GPR137C: variants seen among roughly 807,000 people sequenced by gnomAD.
The protein encoded by GPR137C is G protein-coupled receptor 137C, also known as integral membrane protein GPR137C.
Under a neutral mutation model 43.4 loss-of-function variants are expected in GPR137C, and 27 were observed. The observed-to-expected ratio is 0.62, with a 90% CI of 0.46 to 0.86. The LOEUF is 0.86. GPR137C is among the 40% of genes least tolerant of loss of function. The pLI is 0.00. For missense variants in GPR137C, 522 were observed against 534.6 expected, an observed-to-expected ratio of 0.98 and a Z score of 0.23; for synonymous variants, 285 against 226.9, an observed-to-expected ratio of 1.26 and a Z score of -2.30.
intron 3 of GPR137C, among the ~76,000 whole-genome samples, chr14:52,628,489 A>C (rs75906300): frequency 0.024 from 3,675 of 152,270 alleles, 141 homozygotes; most frequent in African/African-American, 0.084. Flanking sequence ...AATTAGAAAT[A>C]ATTAAAATTT....
At chr14:52,584,162 A>G (rs1264294822) in intron 1 of GPR137C, among the ~76,000 whole-genome samples, 1 of 152,162 alleles carries the variant, frequency 6.6e-6, no homozygotes, top group Non-Finnish European at 1.5e-5. Flanking sequence ...AAATTACTAC[A>G]TGAAAAAATG....
chr14:52,634,936 A>G lies in GPR137C; in HGVS notation c.1113-2A>G. 1 of 1,609,022 alleles carries G rather than the reference A, an allele frequency of 6.2e-7. No individual in the cohort carries two copies. Among genetic ancestry groups the G allele is most frequent in the South Asian group, 1.1e-5 (1 of 90,076 alleles). On this transcript the variant is annotated splice_acceptor_variant, in intron 6 of 6. Coordinates refer to ENST00000321662, the MANE Select transcript of GPR137C (RefSeq NM_001099652.2). LOFTEE classifies it high-confidence loss of function. ...GGTCTTTTTGCCTTTTTTTTGTTGC[A>G]GTTTACCAAATTCGCAAAGTTTGGG...
Position 52,553,112 on chromosome 14 carries a change from C to A in GPR137C, c.-36C>A. The A allele has an allele frequency of 8.8e-7, 1 of 1,132,382 alleles. No individual in the cohort carries two copies. Among genetic ancestry groups the A allele is most frequent in the Non-Finnish European group, 1.1e-6 (1 of 919,164 alleles). 70.1% of individuals were successfully genotyped at this position (1,132,382 alleles called of 1,614,324 possible). A position where few individuals can be genotyped will look rare whatever the true frequency, so the allele number is the denominator to read the frequency against. ...CGGCGGCTCCGAGTCCAGCCCCTTC[C>A]TTCCCGCGCTCGCTCGCCCGGCCCC... On this transcript the variant is annotated 5_prime_UTR_variant, in exon 1 of 7. Transcript: ENST00000321662.
intron 3 of GPR137C, among the ~76,000 whole-genome samples, chr14:52,624,392 C>G (rs917015489): frequency 2.0e-5 from 3 of 151,806 alleles, no homozygotes; most frequent in African/African-American, 7.3e-5. Flanking sequence ...CAAGTTTCTC[C>G]CTTAGAAATG....
intron 1 of GPR137C, among the ~76,000 whole-genome samples, chr14:52,566,893 T>A (rs2038379003): frequency 6.6e-6 from 1 of 152,062 alleles, no homozygotes; most frequent in South Asian, 2.1e-4. Flanking sequence ...GGGTGGATCA[T>A]CTGAGGTCAG....
intron 1 of GPR137C, among the ~76,000 whole-genome samples, chr14:52,593,008 A>G (rs2038803818): frequency 6.6e-6 from 1 of 152,154 alleles, no homozygotes; most frequent in African/African-American, 2.4e-5. Flanking sequence ...ATGTTGCATC[A>G]ATTCCTAGTT....
chr14:52,566,411 C>T (rs2038371014), intron 1 of GPR137C, among the ~76,000 whole-genome samples: 1 of 152,142 alleles, frequency 6.6e-6, no homozygotes, highest in Admixed American at 6.5e-5. Flanking sequence ...AAACTTTTAT[C>T]CCTTTATAGC....
rs750063398 is a variant in GPR137C at position 52,633,507 on chromosome 14, T to A, written c.868-23T>A. Reference sequence around the variant, plus strand: ...TTATACAATAAACAGATGTAAAAATTCTCTGCCATGCTCTATTTACAGGCT... The same window carrying A: ...TTATACAATAAACAGATGTAAAAATACTCTGCCATGCTCTATTTACAGGCT... On this transcript the variant is annotated intron_variant, in intron 4 of 6. Coordinates refer to ENST00000321662, the MANE Select transcript of GPR137C (RefSeq NM_001099652.2). 10 of 1,605,152 alleles carry A rather than the reference T, an allele frequency of 6.2e-6. No homozygotes were observed. The East Asian group carries it at 2.2e-4, about 36-fold the overall frequency.
chr14:52,631,251 T>G (rs1400514637), intron 3 of GPR137C, among the ~76,000 whole-genome samples: 1 of 152,270 alleles, frequency 6.6e-6, no homozygotes, highest in African/African-American at 2.4e-5. Flanking sequence ...CAGAGGACAG[T>G]TAGCTTAGGT....
intron 1 of GPR137C, among the ~76,000 whole-genome samples, chr14:52,568,632 T>C (rs1160432225): frequency 2.6e-5 from 4 of 152,050 alleles, no homozygotes; most frequent in Non-Finnish European, 5.9e-5. Context: ...GCAATTACTG[T>C]GTAGAGTAGG....
chr14:52,606,578 A>G (rs1298665296), intron 3 of GPR137C, among the ~76,000 whole-genome samples: 1 of 152,124 alleles, frequency 6.6e-6, no homozygotes, highest in Admixed American at 6.5e-5. Context: ...CTGGGACTAC[A>G]GGCATGTGCC....
chr14:52,628,104 T>C (rs1007895), intron 3 of GPR137C, among the ~76,000 whole-genome samples: 29,439 of 152,176 alleles, frequency 0.19, 2,861 homozygotes, highest in Admixed American at 0.23. Context: ...CTACATTATG[T>C]TGAAACTTAG....
At chr14:52,595,300 G>C (rs2038839376) in intron 1 of GPR137C, among the ~76,000 whole-genome samples, 1 of 151,998 alleles carries the variant, frequency 6.6e-6, no homozygotes, top group South Asian at 2.1e-4. Flanking sequence ...TGTGTCTTGG[G>C]GTTCCTCTTC....
intron 4 of GPR137C, 125 bp from the exon 5 acceptor site, chr14:52,633,405 T>G (rs903750042): frequency 8.5e-6 from 6 of 702,456 alleles, no homozygotes; most frequent in African/African-American, 1.8e-5. Flanking sequence ...ATATAGAAAG[T>G]TTTAGAGTTT....
At chr14:52,632,452 TA>T in intron 4 of GPR137C, 143 bp downstream of exon 4, 1 of 565,436 alleles carries the variant, frequency 1.8e-6, no homozygotes, top group Non-Finnish European at 3.0e-6. Context: ...GCTTTGTGTT[TA>T]AAAATCTTTA....
chr14:52,624,945 CT>C (rs1473416476), intron 3 of GPR137C, among the ~76,000 whole-genome samples: 2 of 152,110 alleles, frequency 1.3e-5, no homozygotes, highest in South Asian at 2.1e-4. Context: ...ATGAACAACA[CT>C]TTGCTGGTAA....
chr14:52,609,810 A>C (rs754353356), intron 3 of GPR137C, among the ~76,000 whole-genome samples: 1 of 152,218 alleles, frequency 6.6e-6, no homozygotes, highest in Non-Finnish European at 1.5e-5. Flanking sequence ...GCCTCCCAGC[A>C]GGTATTTACA....
At chr14:52,587,362 A>G (rs2038726467) in intron 1 of GPR137C, among the ~76,000 whole-genome samples, 1 of 152,246 alleles carries the variant, frequency 6.6e-6, no homozygotes, top group Admixed American at 6.5e-5. Flanking sequence ...AATGTCTGGA[A>G]GGATGAGTTG....
Position 52,571,502 on chromosome 14 carries a change from G to A in GPR137C, c.444+17911G>A, listed in dbSNP as rs139002276. 2.9e-3 allele frequency among the ~76,000 whole-genome samples: 444 copies of A among 152,054 alleles called. 1 individual carries two copies. Among genetic ancestry groups the A allele is most frequent in the African/African-American group, 0.01 (417 of 41,482 alleles). On this transcript the variant is annotated intron_variant, in intron 1 of 6. Transcript: ENST00000321662. ...AGCCTGGCCAACATAGTGAAACCCC[G>A]TCTCTACTAAAAATATAAACAATTA...
Sources: gnomAD v4.1 joint callset for allele counts (sites outside exome capture counted in the v4.1 genomes callset) on GRCh38, gnomAD v4.1.1 for gene constraint, MANE v1.5 for transcripts, NCBI Gene and HGNC (gene_info 2026-07-23, HGNC 2026-07-21) for gene names.